The following CDH20 variants were observed in gnomAD, a reference collection of about 807,000 sequenced individuals.
CDH20 encodes cadherin 20.
In CDH20, 29 loss-of-function variants were observed where a neutral mutation model predicts 74.2. The observed-to-expected ratio is 0.39, with a 90% CI of 0.29 to 0.53. The LOEUF is 0.53. Ranked by LOEUF, CDH20 falls within the 20% of genes least tolerant of loss-of-function variation. CDH20 has a pLI of 0.69. For missense variants in CDH20, 988 were observed against 1,048.3 expected (o/e 0.94, Z 0.79); for synonymous variants, 469 against 405.4 (o/e 1.16, Z -1.88).
At chr18:61,541,141 G>C (rs916809598) in intron 9 of CDH20, among the ~76,000 whole-genome samples, 1 of 152,092 alleles carries the variant, frequency 6.6e-6, no homozygotes, top group Non-Finnish European at 1.5e-5. Context: ...ACACCTACAT[G>C]CTTGCAGTCA....
At chr18:61,369,153 A>G (rs372107231) in intron 1 of CDH20, among the ~76,000 whole-genome samples, 1 of 152,206 alleles carries the variant, frequency 6.6e-6, no homozygotes, top group South Asian at 2.1e-4. Flanking sequence ...GGATATGTAT[A>G]TTTCAAATAA....
intron 1 of CDH20, among the ~76,000 whole-genome samples, chr18:61,372,373 C>A (rs1430398375): frequency 6.6e-6 from 1 of 151,850 alleles, no homozygotes; most frequent in Non-Finnish European, 1.5e-5. Context: ...TTTGATAATG[C>A]CTTATCAATA....
intron 1 of CDH20, among the ~76,000 whole-genome samples, chr18:61,450,917 A>G (rs1599094017): frequency 6.6e-6 from 1 of 152,062 alleles, no homozygotes; most frequent in Non-Finnish European, 1.5e-5. Context: ...TTGTTATAAT[A>G]AAAACATTGT....
intron 1 of CDH20, among the ~76,000 whole-genome samples, chr18:61,453,489 CA>C (rs1450204639): frequency 5.3e-5 from 8 of 152,166 alleles, no homozygotes; most frequent in African/African-American, 1.9e-4. Context: ...CCATGTTGAC[CA>C]GGCTGGTCTC....
intron 1 of CDH20, among the ~76,000 whole-genome samples, chr18:61,487,889 T>G (rs1013413420): frequency 6.6e-6 from 1 of 152,098 alleles, no homozygotes; most frequent in African/African-American, 2.4e-5. Context: ...TCTCATTCTG[T>G]ACATAAAATG....
rs1212676568 is a variant in CDH20 at position 61,419,008 on chromosome 18, A to T, written c.-152-71394A>T. On this transcript the variant is annotated intron_variant, in intron 1 of 11. Coordinates refer to ENST00000262717, the MANE Select transcript of CDH20 (RefSeq NM_031891.4). The stretch of plus-strand genomic sequence containing the variant: ...GAACTCATATATCTTCTTTCATTTT[A>T]ACTGCTGCATGGTATTCCATAGCTA... Among the ~76,000 whole-genome samples, 4 of 152,086 alleles carry T rather than the reference A, an allele frequency of 2.6e-5. No individual in the cohort carries two copies. In the East Asian group the frequency reaches 7.7e-4, roughly 29 times the overall value.
intron 1 of CDH20, among the ~76,000 whole-genome samples, chr18:61,347,311 TATATATATACACACACACACAC>T (rs1254534027): frequency 3.9e-5 from 3 of 76,042 alleles, no homozygotes; most frequent in African/African-American, 1.6e-4. Flanking sequence ...TATATATATA[TATATATATACACACACACACAC>T]ACACACACAC....
At chr18:61,475,712 T>C (rs1209269697) in intron 1 of CDH20, among the ~76,000 whole-genome samples, 4 of 152,232 alleles carry the variant, frequency 2.6e-5, no homozygotes, top group Middle Eastern at 3.4e-3. Flanking sequence ...AAGTGGAAAA[T>C]GATCAATTGA....
chr18:61,372,532 C>T (rs1911078163), intron 1 of CDH20, among the ~76,000 whole-genome samples: 1 of 152,098 alleles, frequency 6.6e-6, no homozygotes. Flanking sequence ...CTAATTCTGA[C>T]CAGAGGTCAG....
chr18:61,384,931 C>T (rs1439505025), intron 1 of CDH20, among the ~76,000 whole-genome samples: 1 of 152,080 alleles, frequency 6.6e-6, no homozygotes, highest in Non-Finnish European at 1.5e-5. Flanking sequence ...AAAATAATGG[C>T]TGACATTTAT....
At chr18:61,409,697 C>G (rs1912435280) in intron 1 of CDH20, among the ~76,000 whole-genome samples, 1 of 152,116 alleles carries the variant, frequency 6.6e-6, no homozygotes, top group Non-Finnish European at 1.5e-5. Context: ...TGAGGATGCC[C>G]CTGTCCTGAG....
chr18:61,502,448 C>T (rs2144321644), intron 4 of CDH20, among the ~76,000 whole-genome samples: 1 of 152,228 alleles, frequency 6.6e-6, no homozygotes, highest in Middle Eastern at 3.4e-3. Context: ...TCCAACCCTG[C>T]TTACAGGTAG....
chr18:61,473,057 C>T (rs1363091297), intron 1 of CDH20, among the ~76,000 whole-genome samples: 1 of 152,216 alleles, frequency 6.6e-6, no homozygotes, highest in Non-Finnish European at 1.5e-5. Flanking sequence ...ATATCAAAGG[C>T]ATCTGATTAA....
At chr18:61,521,858 A>T (rs1187229609) in intron 6 of CDH20, among the ~76,000 whole-genome samples, 1 of 152,228 alleles carries the variant, frequency 6.6e-6, no homozygotes, top group Non-Finnish European at 1.5e-5. Flanking sequence ...AAAGCCCTTC[A>T]ATAAAATTCA....
intron 1 of CDH20, among the ~76,000 whole-genome samples, chr18:61,452,720 G>T (rs1232237208): frequency 2.0e-5 from 3 of 152,124 alleles, no homozygotes; most frequent in Admixed American, 2.0e-4. Flanking sequence ...TGACAGCTAT[G>T]TAACACTTGT....
chr18:61,430,384 A>G (rs1358801032), intron 1 of CDH20, among the ~76,000 whole-genome samples: 2 of 152,090 alleles, frequency 1.3e-5, no homozygotes, highest in Non-Finnish European at 2.9e-5. Context: ...TCATATCAGG[A>G]TACATGTTGA....
intron 1 of CDH20, among the ~76,000 whole-genome samples, chr18:61,386,458 A>G (rs905692646): frequency 1.3e-5 from 2 of 152,216 alleles, no homozygotes; most frequent in Non-Finnish European, 2.9e-5. Context: ...CCCAGCCTCC[A>G]GAACTATGAG....
At chr18:61,364,343 G>A (rs760627317) in intron 1 of CDH20, among the ~76,000 whole-genome samples, 13 of 150,752 alleles carry the variant, frequency 8.6e-5, no homozygotes, top group Non-Finnish European at 1.3e-4. Flanking sequence ...ACCGAGTTTC[G>A]TTCTTGTTGC....
chr18:61,512,839 C>T lies in CDH20; in HGVS notation c.1017+5279C>T, dbSNP rs531252086. Among the ~76,000 whole-genome samples, 400 of 152,088 alleles carry T rather than the reference C, an allele frequency of 2.6e-3. 2 individuals carry two copies. The highest frequency in any genetic ancestry group is 8.9e-3 in the African/African-American group (369 of 41,478). ...TGAGTGAGATTCTTAATCCTGAGTT[C>T]TAGTTTGATTGCACTGTGGTCTGAG... On this transcript the variant is annotated intron_variant, in intron 6 of 11. Transcript: ENST00000262717.
Sources: gnomAD v4.1 joint callset for allele counts (sites outside exome capture counted in the v4.1 genomes callset) on GRCh38, gnomAD v4.1.1 for gene constraint, MANE v1.5 for transcripts, NCBI Gene and HGNC (gene_info 2026-07-23, HGNC 2026-07-21) for gene names.